Variants in LRIG2 observed in about 807,000 individuals in gnomAD.
LRIG2 encodes leucine rich repeats and immunoglobulin like domains 2, also known as leucine-rich repeats and immunoglobulin-like domains protein 2.
Under a neutral mutation model 107.8 loss-of-function variants are expected in LRIG2, and 93 were observed. The ratio of observed to expected loss-of-function variants is 0.86; its 90% CI spans 0.73 to 1.03. The LOEUF (loss-of-function observed/expected upper bound fraction) is 1.03, where lower values mean the gene tolerates loss of function less well. LRIG2 is among the 50% of genes least tolerant of loss of function. The pLI is 0.00. For missense variants in LRIG2, 1,226 were observed against 1,296.0 expected (o/e 0.95, Z 0.83); for synonymous variants, 471 against 470.6 (o/e 1.00, Z -0.01).
At chr1:113,110,118 T>C (rs1654706269) in intron 12 of LRIG2, 124 bp from the exon 13 acceptor site, 1 of 669,948 alleles carries the variant, frequency 1.5e-6, no homozygotes, top group Non-Finnish European at 2.5e-6. Flanking sequence ...AGCTCTGTAG[T>C]CTCTTTCAAC....
chr1:113,082,842 G>A (rs1308649744), intron 1 of LRIG2, among the ~76,000 whole-genome samples: 6 of 152,076 alleles, frequency 3.9e-5, no homozygotes, highest in African/African-American at 1.4e-4. Flanking sequence ...TTTTAGTAGA[G>A]ATGGGGTTTT....
intron 2 of LRIG2, 29 bp from the exon 3 acceptor site, chr1:113,093,177 C>T (rs750847004): frequency 3.9e-5 from 55 of 1,424,876 alleles, no homozygotes; most frequent in Non-Finnish European, 4.9e-5. Flanking sequence ...CCTCACTAAA[C>T]ATTTAAATCT....
chr1:113,074,162 A>G lies in LRIG2; in HGVS notation c.239+517A>G, dbSNP rs540934358. Among the ~76,000 whole-genome samples the G allele has an allele frequency of 5.9e-5, 9 of 152,252 alleles. No homozygotes were observed. The South Asian group carries it at 1.9e-3, about 32-fold the overall frequency. On this transcript the variant is annotated intron_variant, in intron 1 of 17. Transcript: ENST00000361127. Reference sequence around the variant, plus strand: ...TGGCTGATTTTGTGCTGCAGTTTTGATACTTAACAGGGTTGAAAAGTTCAT... The same window carrying G: ...TGGCTGATTTTGTGCTGCAGTTTTGGTACTTAACAGGGTTGAAAAGTTCAT...
chr1:113,122,516 T>C (rs1488608178), intron 17 of LRIG2, among the ~76,000 whole-genome samples: 1 of 152,214 alleles, frequency 6.6e-6, no homozygotes. Flanking sequence ...AAATCCACTT[T>C]TACTGTTGGA....
At chr1:113,074,333 A>G (rs1021949801) in intron 1 of LRIG2, among the ~76,000 whole-genome samples, 35 of 152,194 alleles carry the variant, frequency 2.3e-4, no homozygotes, top group African/African-American at 8.0e-4. Context: ...GTGGCAAAGA[A>G]CCCAAAAATC....
Position 113,116,336 on chromosome 1 carries a change from A to G in LRIG2, c.2580A>G (p.Gly860=). Reference sequence around the variant, plus strand: ...TTCCCAGCTACTTGTCTTCCCAAGGAACGCTGTCTGAGCCACAGGAAGGCT... The same window carrying G: ...TTCCCAGCTACTTGTCTTCCCAAGGGACGCTGTCTGAGCCACAGGAAGGCT... ...ADIPSYLSSQ[G]TLSEPQEGYS... Residue 860 remains glycine (G), a synonymous_variant, in exon 16 of 18, where the codon GGA becomes GGG. Transcript: ENST00000361127. The G allele has an allele frequency of 6.2e-7, 1 of 1,614,070 alleles. No homozygotes were observed. The highest frequency in any genetic ancestry group is 8.5e-7 in the Non-Finnish European group (1 of 1,179,960).
chr1:113,120,526 G>A (rs1276160525), intron 17 of LRIG2, among the ~76,000 whole-genome samples: 1 of 75,810 alleles, frequency 1.3e-5, no homozygotes, highest in East Asian at 3.6e-4. Flanking sequence ...TTTTTTTTTT[G>A]GGAAATGGAG....
In LRIG2 at chr1:113,073,348, G is replaced by A. The variant is rs1021769419; in HGVS notation, c.-59G>A. ...CCGAGCATCTCTGCTGAGCTTCTCC[G>A]CCGATCCTCCTTTTCTAGCAGGCAG... On this transcript the variant is annotated 5_prime_UTR_variant, in exon 1 of 18. Coordinates refer to ENST00000361127, the MANE Select transcript of LRIG2 (RefSeq NM_014813.3). 1 of 1,416,736 alleles carries A rather than the reference G, an allele frequency of 7.1e-7. No individual in the cohort carries two copies. 87.8% of individuals were successfully genotyped at this position (1,416,736 alleles called of 1,614,324 possible). A position where few individuals can be genotyped will look rare whatever the true frequency, so the allele number is the denominator to read the frequency against.
chr1:113,114,434 C>T lies in LRIG2; in HGVS notation c.2088C>T (p.Pro696=). ...ANASLTVLET[P]SFIRPLEDKT... ...TTAATGTTTTCCTGTTAGAGACACC[C>T]TCATTTATTAGACCCCTGGAGGATA... The change falls in exon 15 of 18, where the codon CCC becomes CCT. Residue 696 remains proline, a synonymous_variant. Coordinates refer to ENST00000361127, the MANE Select transcript of LRIG2 (RefSeq NM_014813.3). 5.7e-6 allele frequency: 9 copies of T among 1,571,408 alleles called. No homozygotes were observed. The highest frequency in any genetic ancestry group is 7.8e-6 in the Non-Finnish European group (9 of 1,160,184).
chr1:113,116,725 C>T (rs1655032912), intron 16 of LRIG2, among the ~76,000 whole-genome samples: 2 of 152,280 alleles, frequency 1.3e-5, no homozygotes, highest in South Asian at 4.1e-4. Context: ...TTTCAGGTAT[C>T]TCTTTCTTAC....
At chr1:113,091,497 T>C (rs1653824052) in intron 2 of LRIG2, 114 bp downstream of exon 2, 2 of 622,750 alleles carry the variant, frequency 3.2e-6, no homozygotes, top group Admixed American at 3.4e-5. Context: ...AGGAAAAAAT[T>C]AGTTAAAAGA....
rs188272001 is a variant in LRIG2 at position 113,075,085 on chromosome 1, C to T, written c.239+1440C>T. Among the ~76,000 whole-genome samples the T allele has an allele frequency of 5.9e-5, 9 of 151,370 alleles. No homozygotes were observed. In the East Asian group the frequency reaches 1.8e-3, roughly 30 times the overall value. On this transcript the variant is annotated intron_variant, in intron 1 of 17. Transcript: ENST00000361127. ...ATGCAAAGTTAGCTGGGTGTGGTGG[C>T]GCGTGCCTGTAATACTAGCTACACC...
At chr1:113,115,281 C>T (rs753150195) in intron 15 of LRIG2, among the ~76,000 whole-genome samples, 1 of 152,162 alleles carries the variant, frequency 6.6e-6, no homozygotes, top group Admixed American at 6.6e-5. Context: ...TCGGTACATT[C>T]ATGGCTCACT....
chr1:113,092,651 C>T (rs1159667563), intron 2 of LRIG2, among the ~76,000 whole-genome samples: 2 of 152,134 alleles, frequency 1.3e-5, no homozygotes, highest in African/African-American at 2.4e-5. Context: ...CAAAATACTT[C>T]ATAACCTTTC....
Position 113,112,565 on chromosome 1 carries a change from C to T in LRIG2, c.1885C>T (p.Pro629Ser), listed in dbSNP as rs772363138. The T allele has an allele frequency of 3.1e-6, 5 of 1,614,050 alleles. No homozygotes were observed. The highest frequency in any genetic ancestry group is 4.2e-6 in the Non-Finnish European group (5 of 1,179,928). ...ARLECAAEGHPAPQISWQKDG... is the reference protein window; with the variant it reads ...ARLECAAEGHSAPQISWQKDG... ...ATTAGAATGTGCTGCAGAGGGACAC[C>T]CTGCACCTCAGATTTCCTGGCAGAA... The change falls in exon 14 of 18, where the codon CCT becomes TCT. Residue 629 changes from proline to serine, a missense_variant. Physicochemically the swap from Pro to Ser is moderately conservative, Grantham distance 74 (BLOSUM62 -1). This residue lies in a region of LRIG2 where 642 missense variants were observed against 712.2 expected (regional missense o/e 0.90). Transcript: ENST00000361127.
chr1:113,090,094 A>C (rs758496723), intron 1 of LRIG2, among the ~76,000 whole-genome samples: 2 of 152,100 alleles, frequency 1.3e-5, no homozygotes, highest in Non-Finnish European at 2.9e-5. Flanking sequence ...ATATGTCTTC[A>C]GATGTATTTA....
chr1:113,112,429 G>T (rs767763120), intron 13 of LRIG2, 50 bp from the exon 14 acceptor site: 1 of 1,545,660 alleles, frequency 6.5e-7, no homozygotes, highest in South Asian at 1.2e-5. Flanking sequence ...ATGCATATAT[G>T]TGTCTTTGTT....
chr1:113,108,609 GCT>G (rs1654638974), intron 12 of LRIG2, among the ~76,000 whole-genome samples: 2 of 150,584 alleles, frequency 1.3e-5, no homozygotes, highest in Admixed American at 6.6e-5. Flanking sequence ...GGGCACTGTG[GCT>G]CACACCTGTA....
At chr1:113,094,537 T>C (rs980820194) in intron 5 of LRIG2, 55 bp downstream of exon 5, 8 of 1,574,612 alleles carry the variant, frequency 5.1e-6, no homozygotes, top group Middle Eastern at 1.7e-4. Flanking sequence ...ACAGGGTCTT[T>C]TTCTTTTTAA....
Sources: gnomAD v4.1 joint callset for allele counts (sites outside exome capture counted in the v4.1 genomes callset) on GRCh38, gnomAD v4.1.1 for gene constraint, gnomAD v4.1.1 regional missense constraint, MANE v1.5 for transcripts, NCBI Gene and HGNC (gene_info 2026-07-23, HGNC 2026-07-21) for gene names.